GALNT13: variants seen among roughly 807,000 people sequenced by gnomAD.
The protein encoded by GALNT13 is polypeptide N-acetylgalactosaminyltransferase 13.
In GALNT13, 28 loss-of-function variants were observed where a neutral mutation model predicts 64.2. The ratio of observed to expected loss-of-function variants is 0.44; its 90% confidence interval spans 0.32 to 0.60. The LOEUF (loss-of-function observed/expected upper bound fraction) is 0.60, where lower values mean the gene tolerates loss of function less well. Among genes scored for constraint, GALNT13 ranks in the 20% least tolerant of loss-of-function variants. The pLI is 0.05. For synonymous variants in GALNT13, 214 were observed against 224.6 expected, an observed-to-expected ratio of 0.95 and a Z score of 0.42; for missense variants, 577 against 669.8, an observed-to-expected ratio of 0.86 and a Z score of 1.53.
the GALNT13 span, among the ~76,000 whole-genome samples, chr2:153,656,670 C>T: frequency 6.6e-6 from 1 of 152,144 alleles, no homozygotes; most frequent in East Asian, 1.9e-4. Flanking sequence ...TAAATGCCAT[C>T]TAGGTTATTT....
the GALNT13 span, among the ~76,000 whole-genome samples, chr2:153,354,806 T>C: frequency 6.6e-6 from 1 of 152,148 alleles, no homozygotes; most frequent in Non-Finnish European, 1.5e-5. Flanking sequence ...CTATTTTTCT[T>C]CCCTATATCA....
At chr2:153,431,210 T>A in the GALNT13 span, among the ~76,000 whole-genome samples, 2 of 152,100 alleles carry the variant, frequency 1.3e-5, no homozygotes, top group Admixed American at 1.3e-4. Flanking sequence ...CTAGGACAAT[T>A]TTTACTGATG....
At chr2:154,220,549 T>G (rs1482620241) in intron 4 of GALNT13, among the ~76,000 whole-genome samples, 1 of 152,074 alleles carries the variant, frequency 6.6e-6, no homozygotes, top group Non-Finnish European at 1.5e-5. Context: ...CACATATGCA[T>G]ACACACATAT....
At chr2:154,018,445 C>T (rs2105268566) in intron 3 of GALNT13, among the ~76,000 whole-genome samples, 1 of 152,260 alleles carries the variant, frequency 6.6e-6, no homozygotes, top group East Asian at 1.9e-4. Flanking sequence ...TCTCTGCGGT[C>T]ACTTGAATTA....
Position 153,943,782 on chromosome 2 carries a change from G to A in GALNT13, c.-104-612G>A, listed in dbSNP as rs541515635. On this transcript the variant is annotated intron_variant, in intron 2 of 12. Coordinates refer to ENST00000392825, the MANE Select transcript of GALNT13 (RefSeq NM_052917.4). Reference sequence around the variant, plus strand: ...AGTGTTGGGATTACAGGCGTGAGCCGCCGTGCCCAGCTCTGTTTTATGTTT... The same window carrying A: ...AGTGTTGGGATTACAGGCGTGAGCCACCGTGCCCAGCTCTGTTTTATGTTT... Among the ~76,000 whole-genome samples the A allele has an allele frequency of 2.6e-5, 4 of 152,236 alleles. No individual in the cohort carries two copies. The East Asian group carries it at 5.8e-4, about 22-fold the overall frequency.
the GALNT13 span, among the ~76,000 whole-genome samples, chr2:153,332,703 G>T: frequency 6.6e-6 from 1 of 152,102 alleles, no homozygotes; most frequent in African/African-American, 2.4e-5. Context: ...CTAGAAATCT[G>T]CCTGGGCATG....
At chr2:153,322,337 A>G in the GALNT13 span, among the ~76,000 whole-genome samples, 1 of 152,060 alleles carries the variant, frequency 6.6e-6, no homozygotes. Flanking sequence ...TGCAAAGGGC[A>G]TGATTTTGTT....
At chr2:153,971,089 A>C (rs2105126313) in intron 3 of GALNT13, among the ~76,000 whole-genome samples, 1 of 152,302 alleles carries the variant, frequency 6.6e-6, no homozygotes, top group Admixed American at 6.5e-5. Context: ...GCAATGTGGC[A>C]GGTATATTTC....
chr2:153,228,392 C>T, the GALNT13 span, among the ~76,000 whole-genome samples: 1 of 151,964 alleles, frequency 6.6e-6, no homozygotes, highest in Admixed American at 6.6e-5. Flanking sequence ...TTTTTTTTGG[C>T]ACCTTAATGA....
intron 8 of GALNT13, among the ~76,000 whole-genome samples, chr2:154,267,476 C>G (rs1055696992): frequency 7.2e-5 from 11 of 152,042 alleles, no homozygotes; most frequent in Admixed American, 7.2e-4. Context: ...CCCATCTCTA[C>G]TAAAAATACA....
At chr2:153,880,197 A>AT (rs1018594702) in intron 1 of GALNT13, among the ~76,000 whole-genome samples, 42 of 152,146 alleles carry the variant, frequency 2.8e-4, no homozygotes, top group South Asian at 1.7e-3. Context: ...AAATTTATGG[A>AT]TTTTTTCTCA....
At chr2:153,930,094 A>G (rs1690413927) in intron 2 of GALNT13, among the ~76,000 whole-genome samples, 1 of 152,114 alleles carries the variant, frequency 6.6e-6, no homozygotes, top group Non-Finnish European at 1.5e-5. Context: ...TCTAATTATT[A>G]GTGACGTTTA....
chr2:153,680,738 C>G, the GALNT13 span, among the ~76,000 whole-genome samples: 1 of 151,984 alleles, frequency 6.6e-6, no homozygotes, highest in East Asian at 1.9e-4. Flanking sequence ...GGCCCACATT[C>G]AGTATGTTCC....
intron 1 of GALNT13, among the ~76,000 whole-genome samples, chr2:153,877,770 C>T (rs1686485723): frequency 3.3e-5 from 5 of 151,962 alleles, no homozygotes; most frequent in Non-Finnish European, 1.5e-5. Context: ...GTATCCATTC[C>T]AGCTTATTTA....
chr2:153,779,378 G>A, the GALNT13 span, among the ~76,000 whole-genome samples: 1 of 152,236 alleles, frequency 6.6e-6, no homozygotes, highest in African/African-American at 2.4e-5. Context: ...ACTTGACACA[G>A]TTACTACAAA....
chr2:154,381,119 G>T lies in GALNT13; in HGVS notation c.1157-14872G>T, dbSNP rs569905868. 1.6e-4 allele frequency among the ~76,000 whole-genome samples: 25 copies of T among 152,114 alleles called. No homozygotes were observed. The South Asian group carries it at 2.7e-3, about 16-fold the overall frequency. The stretch of plus-strand genomic sequence containing the variant: ...TTCTACCTACACTCAAGGGCAAGGG[G>T]TCACACCTAGACATAAATATCAGGA... On this transcript the variant is annotated intron_variant, in intron 9 of 12. Transcript: ENST00000392825.
intron 1 of GALNT13, among the ~76,000 whole-genome samples, chr2:153,884,745 C>A (rs1687017963): frequency 2.9e-5 from 4 of 135,900 alleles, no homozygotes; most frequent in South Asian, 5.0e-4. Flanking sequence ...ATGGTGAAAC[C>A]CAGTCTGTAC....
In GALNT13 at chr2:154,452,594, C is replaced by T. The variant is rs1209626313; in HGVS notation, c.*2043C>T. 1 of 152,090 alleles carries T rather than the reference C, an allele frequency of 6.6e-6. No homozygotes were observed. The highest frequency in any genetic ancestry group is 1.5e-5 in the Non-Finnish European group (1 of 68,020). 9.4% of individuals were successfully genotyped at this position (152,090 alleles called of 1,614,324 possible). A position where few individuals can be genotyped will look rare whatever the true frequency, so the allele number is the denominator to read the frequency against. On this transcript the variant is annotated 3_prime_UTR_variant, in exon 13 of 13. Coordinates refer to ENST00000392825, the MANE Select transcript of GALNT13 (RefSeq NM_052917.4). ...TATAAATACAGCTACCCCATCAAAG[C>T]TGAACTTGAAACGTTTTAGCAGAAT...
At chr2:154,034,407 G>A (rs1332813238) in intron 3 of GALNT13, among the ~76,000 whole-genome samples, 1 of 152,146 alleles carries the variant, frequency 6.6e-6, no homozygotes, top group Admixed American at 6.5e-5. Flanking sequence ...GTCAGTAGGT[G>A]CAGTTTTGGT....
Sources: allele counts gnomAD v4.1 joint callset (sites outside exome capture counted in the v4.1 genomes callset), GRCh38; gene constraint gnomAD v4.1.1; transcripts MANE v1.5; gene names NCBI Gene and HGNC (gene_info 2026-07-23, HGNC 2026-07-21).